GRIN2A: variants seen among roughly 807,000 people sequenced by gnomAD.
GRIN2A encodes glutamate receptor ionotropic, NMDA 2A.
Under a neutral mutation model 113.4 loss-of-function variants are expected in GRIN2A, and 22 were observed. The ratio of observed to expected loss-of-function variants is 0.19; its 90% CI spans 0.14 to 0.28. GRIN2A has a LOEUF of 0.28. GRIN2A is among the 10% of genes least tolerant of loss of function. The pLI, the probability that GRIN2A is intolerant of heterozygous loss-of-function variation, is 1.00. For synonymous variants in GRIN2A, 827 were observed against 738.4 expected (o/e 1.12, Z -1.94); for missense variants, 1,502 against 1,887.0 (o/e 0.80, Z 3.78).
At chr16:9,854,247 A>G (rs1317713763) in intron 4 of GRIN2A, among the ~76,000 whole-genome samples, 1 of 152,102 alleles carries the variant, frequency 6.6e-6, no homozygotes. Flanking sequence ...TGGAAGTATC[A>G]AGGACCTGTA....
At chr16:10,136,499 C>T (rs1240619023) in intron 2 of GRIN2A, among the ~76,000 whole-genome samples, 1 of 152,092 alleles carries the variant, frequency 6.6e-6, no homozygotes, top group Non-Finnish European at 1.5e-5. Context: ...CAATTGTAGA[C>T]CTGTTATCCA....
At chr16:9,939,335 T>C (rs954134465) in intron 2 of GRIN2A, among the ~76,000 whole-genome samples, 1 of 152,134 alleles carries the variant, frequency 6.6e-6, no homozygotes, top group Non-Finnish European at 1.5e-5. Context: ...TGTAGATGAA[T>C]GCATCATGGC....
intron 2 of GRIN2A, among the ~76,000 whole-genome samples, chr16:10,070,431 C>G (rs745375171): frequency 1.3e-5 from 2 of 152,128 alleles, no homozygotes; most frequent in African/African-American, 2.4e-5. Context: ...TTTGTGCATG[C>G]GTGTTAAAGT....
At chr16:10,083,295 G>A (rs72774171) in intron 2 of GRIN2A, among the ~76,000 whole-genome samples, 16,737 of 152,190 alleles carry the variant, frequency 0.11, 1,067 homozygotes, top group African/African-American at 0.16. Flanking sequence ...CAGACTCCAC[G>A]AGTGCTTATG....
chr16:10,143,397 T>G (rs981397700), intron 2 of GRIN2A, among the ~76,000 whole-genome samples: 1 of 152,222 alleles, frequency 6.6e-6, no homozygotes. Context: ...TTAAAAAATA[T>G]AAATAGCATA....
At chr16:10,024,706 C>A (rs537313345) in intron 2 of GRIN2A, among the ~76,000 whole-genome samples, 6 of 152,238 alleles carry the variant, frequency 3.9e-5, no homozygotes, top group South Asian at 4.1e-4. Flanking sequence ...AGATGAGAAG[C>A]CTAAACAACA....
chr16:10,015,272 G>A (rs200380345), intron 2 of GRIN2A, among the ~76,000 whole-genome samples: 8,852 of 70,926 alleles, frequency 0.12, 10 homozygotes, highest in Middle Eastern at 0.24. Flanking sequence ...AAAAAAAAAA[G>A]AAAAAAAAAA....
At chr16:10,010,044 G>A (rs1191426068) in intron 2 of GRIN2A, among the ~76,000 whole-genome samples, 1 of 152,214 alleles carries the variant, frequency 6.6e-6, no homozygotes, top group Non-Finnish European at 1.5e-5. Context: ...TGAGGAGCAA[G>A]GCCCAAAGAA....
At chr16:10,151,737 T>C (rs2049579714) in intron 2 of GRIN2A, among the ~76,000 whole-genome samples, 1 of 152,104 alleles carries the variant, frequency 6.6e-6, no homozygotes, top group Non-Finnish European at 1.5e-5. Flanking sequence ...TTCAAAGAAA[T>C]TTCAAATCCA....
At chr16:9,946,110 C>A (rs2141658623) in intron 2 of GRIN2A, among the ~76,000 whole-genome samples, 1 of 152,308 alleles carries the variant, frequency 6.6e-6, no homozygotes, top group Non-Finnish European at 1.5e-5. Context: ...CTCAGCCCTG[C>A]TTTCTAGATC....
intron 4 of GRIN2A, among the ~76,000 whole-genome samples, chr16:9,887,665 A>G (rs893835513): frequency 1.3e-5 from 2 of 152,198 alleles, no homozygotes; most frequent in African/African-American, 4.8e-5. Flanking sequence ...TTTTGGATAT[A>G]TGTTTATCTT....
At chr16:9,940,000 AC>A (rs568021820) in intron 2 of GRIN2A, among the ~76,000 whole-genome samples, 65 of 151,126 alleles carry the variant, frequency 4.3e-4, no homozygotes, top group African/African-American at 1.5e-3. Flanking sequence ...CAACAAGATA[AC>A]TTATGGGGAT....
At chr16:9,813,586 C>A (rs957042088) in intron 10 of GRIN2A, among the ~76,000 whole-genome samples, 4 of 149,730 alleles carry the variant, frequency 2.7e-5, no homozygotes, top group African/African-American at 9.8e-5. Flanking sequence ...TCCTGCCCCC[C>A]ACAGACATTT....
intron 4 of GRIN2A, among the ~76,000 whole-genome samples, chr16:9,878,888 G>A (rs894166351): frequency 3.3e-5 from 5 of 151,504 alleles, no homozygotes; most frequent in African/African-American, 9.7e-5. Context: ...CGCACACACA[G>A]TTGCACACAC....
At chr16:9,972,710 A>G (rs1323053531) in intron 2 of GRIN2A, among the ~76,000 whole-genome samples, 1 of 152,240 alleles carries the variant, frequency 6.6e-6, no homozygotes, top group Admixed American at 6.5e-5. Flanking sequence ...ACTTAAGCAG[A>G]GGGGCTTTTA....
At position 9,853,340 on chromosome 16, in the gene GRIN2A, C is replaced by G. The variant is rs189256719; in HGVS notation, c.1123-3379G>C. Among the ~76,000 whole-genome samples, 11 of 152,236 alleles carry G rather than the reference C, an allele frequency of 7.2e-5. No individual in the cohort carries two copies. The East Asian group carries it at 2.1e-3, about 29-fold the overall frequency. On this transcript the variant is annotated intron_variant, in intron 4 of 12. Transcript: ENST00000330684. ...ATGTGGTGGTGTTAGGAGGAGGGGT[C>G]TTTGGGAGCTGATTAGGTCATGAAG...
intron 2 of GRIN2A, among the ~76,000 whole-genome samples, chr16:9,940,061 A>AGAGT (rs536496290): frequency 1.7e-4 from 24 of 143,008 alleles, no homozygotes; most frequent in Non-Finnish European, 2.1e-4. Flanking sequence ...AGAGAGAGAG[A>AGAGT]GTGTGTGTGT....
chr16:9,902,776 T>C (rs2043954018), intron 3 of GRIN2A, among the ~76,000 whole-genome samples: 1 of 151,984 alleles, frequency 6.6e-6, no homozygotes, highest in Admixed American at 6.6e-5. Flanking sequence ...ACACAATGCA[T>C]TTGGTCCTAA....
intron 2 of GRIN2A, among the ~76,000 whole-genome samples, chr16:10,085,952 A>C (rs1286954545): frequency 1.3e-5 from 2 of 152,202 alleles, no homozygotes; most frequent in African/African-American, 2.4e-5. Flanking sequence ...GTTAATTAAC[A>C]AACAAAAAAT....
Sources: allele counts gnomAD v4.1 joint callset (sites outside exome capture counted in the v4.1 genomes callset), GRCh38; gene constraint gnomAD v4.1.1; transcripts MANE v1.5; gene names NCBI Gene and HGNC (gene_info 2026-07-23, HGNC 2026-07-21).